The following ACADSB variants were observed in gnomAD, a reference collection of about 807,000 sequenced individuals.
The protein encoded by ACADSB is short/branched chain specific acyl-CoA dehydrogenase, mitochondrial.
Under a neutral mutation model 54.1 loss-of-function variants are expected in ACADSB, and 40 were observed. That is an observed-to-expected ratio of 0.74 (90% CI 0.57 to 0.96). The LOEUF (loss-of-function observed/expected upper bound fraction) is 0.96, where lower values mean the gene tolerates loss of function less well. Among genes scored for constraint, ACADSB ranks in the 40% least tolerant of loss-of-function variants. The pLI is 0.00. For synonymous variants in ACADSB, 182 were observed against 182.8 expected, an observed-to-expected ratio of 1.00 and a Z score of 0.03; for missense variants, 530 against 510.4, an observed-to-expected ratio of 1.04 and a Z score of -0.37.
At chr10:123,013,248 C>A (rs1365377533) in intron 1 of ACADSB, among the ~76,000 whole-genome samples, 1 of 152,002 alleles carries the variant, frequency 6.6e-6, no homozygotes, top group East Asian at 1.9e-4. Context: ...TTCTTCAAGT[C>A]ACCACCAGAT....
chr10:123,014,325 AAATT>A (rs149527719), intron 1 of ACADSB, among the ~76,000 whole-genome samples: 20,915 of 152,138 alleles, frequency 0.14, 1,533 homozygotes, highest in Middle Eastern at 0.21. Context: ...GCTATTTTTA[AAATT>A]AATTAATTAA....
chr10:123,009,475 C>G (rs139564676), intron 1 of ACADSB, among the ~76,000 whole-genome samples: 2 of 152,266 alleles, frequency 1.3e-5, no homozygotes, highest in Non-Finnish European at 2.9e-5. Flanking sequence ...ATTTCACACC[C>G]CCTCCCCCAA....
intron 1 of ACADSB, among the ~76,000 whole-genome samples, chr10:123,023,129 A>ACT (rs1184945679): frequency 6.6e-6 from 1 of 152,186 alleles, no homozygotes; most frequent in African/African-American, 2.4e-5. Context: ...ACATTAAATT[A>ACT]CTCTCATTTG....
intron 6 of ACADSB, among the ~76,000 whole-genome samples, chr10:123,043,939 C>T: frequency 6.6e-6 from 1 of 152,070 alleles, no homozygotes; most frequent in East Asian, 1.9e-4. Flanking sequence ...CACCTGTGTA[C>T]ACACATGCAC....
Position 123,053,890 on chromosome 10 carries a change from C to G in ACADSB, c.*125C>G, listed in dbSNP as rs1850668758. On this transcript the variant is annotated 3_prime_UTR_variant, in exon 11 of 11. Transcript: ENST00000358776. ...ACAGCATTCGAATATTTTAATGAAG[C>G]CCTTAGTCAGGGTCCTGGTGTTGGC... 1 of 925,566 alleles carries G rather than the reference C, an allele frequency of 1.1e-6. No individual in the cohort carries two copies. The highest frequency in any genetic ancestry group is 1.7e-6 in the Non-Finnish European group (1 of 577,516). The allele number at this position is 925,566 out of a possible 1,614,324, so 57.3% of individuals were successfully genotyped here.
intron 1 of ACADSB, among the ~76,000 whole-genome samples, chr10:123,009,378 A>G (rs1292388172): frequency 6.6e-6 from 1 of 152,118 alleles, no homozygotes. Context: ...CCTGAGAGCC[A>G]CCGAGTCTGG....
At chr10:123,017,624 G>T (rs1419043433) in intron 1 of ACADSB, among the ~76,000 whole-genome samples, 2 of 152,198 alleles carry the variant, frequency 1.3e-5, no homozygotes, top group Non-Finnish European at 2.9e-5. Flanking sequence ...GGTGGACACA[G>T]TTTCTAATGG....
intron 1 of ACADSB, among the ~76,000 whole-genome samples, chr10:123,011,563 G>A (rs1420473753): frequency 3.6e-5 from 5 of 137,932 alleles, no homozygotes; most frequent in African/African-American, 1.4e-4. Context: ...GTCTTACTCT[G>A]TCGCCCAGGT....
At chr10:123,048,312 G>A (rs574567961) in intron 8 of ACADSB, among the ~76,000 whole-genome samples, 1 of 152,186 alleles carries the variant, frequency 6.6e-6, no homozygotes, top group African/African-American at 2.4e-5. Flanking sequence ...AGAGTGGCAG[G>A]CCTGGCCAGT....
At chr10:123,047,815 A>G (rs564564146) in intron 8 of ACADSB, among the ~76,000 whole-genome samples, 1 of 152,376 alleles carries the variant, frequency 6.6e-6, no homozygotes, top group South Asian at 2.1e-4. Flanking sequence ...GACCAGAACC[A>G]TGTGGTAATC....
intron 1 of ACADSB, among the ~76,000 whole-genome samples, chr10:123,013,535 G>A (rs1347576827): frequency 6.6e-6 from 1 of 152,266 alleles, no homozygotes; most frequent in Non-Finnish European, 1.5e-5. Context: ...TGATGGGACT[G>A]GGTGCAGTGG....
intron 3 of ACADSB, among the ~76,000 whole-genome samples, chr10:123,039,577 G>A (rs911228223): frequency 2.6e-5 from 4 of 152,162 alleles, no homozygotes; most frequent in African/African-American, 9.7e-5. Flanking sequence ...CATGTTCTCT[G>A]CTAACCATCC....
chr10:123,018,247 G>T (rs572587162), intron 1 of ACADSB, among the ~76,000 whole-genome samples: 25 of 152,150 alleles, frequency 1.6e-4, no homozygotes, highest in Middle Eastern at 3.4e-3. Flanking sequence ...GTGAGTGTCT[G>T]GTTTCATTTT....
chr10:123,035,909 T>C (rs1850392483), intron 2 of ACADSB, among the ~76,000 whole-genome samples: 1 of 152,158 alleles, frequency 6.6e-6, no homozygotes, highest in South Asian at 2.1e-4. Context: ...GCTCACCTGA[T>C]TAGGTCAGGC....
At chr10:123,041,962 TTTTC>T (rs1478695830) in intron 5 of ACADSB, among the ~76,000 whole-genome samples, 1 of 120,678 alleles carries the variant, frequency 8.3e-6, no homozygotes, top group African/African-American at 3.1e-5. Context: ...ATCTTTTTTC[TTTTC>T]TTTTTTTTTT....
intron 1 of ACADSB, among the ~76,000 whole-genome samples, chr10:123,023,223 A>T (rs1420550074): frequency 2.0e-5 from 3 of 152,222 alleles, no homozygotes; most frequent in Non-Finnish European, 4.4e-5. Context: ...TCTATGCCAA[A>T]CCCTGACACC....
chr10:123,022,668 G>C (rs2133462158), intron 1 of ACADSB, among the ~76,000 whole-genome samples: 1 of 152,168 alleles, frequency 6.6e-6, no homozygotes, highest in South Asian at 2.1e-4. Flanking sequence ...TCTGTATTCA[G>C]AATTATGTGT....
In ACADSB at chr10:123,033,674, G is replaced by T. The variant is rs1234697399; in HGVS notation, c.43-682G>T. Among the ~76,000 whole-genome samples the T allele has an allele frequency of 2.0e-5, 3 of 152,198 alleles. No homozygotes were observed. In the East Asian group the frequency reaches 5.8e-4, roughly 29 times the overall value. ...ATCCTCACAAAACTCCAAGAGGTTG[G>T]TACCTGCATTTTACAGGTAAGGAAA... On this transcript the variant is annotated intron_variant, in intron 1 of 10. Coordinates refer to ENST00000358776, the MANE Select transcript of ACADSB (RefSeq NM_001609.4).
chr10:123,009,694 G>C (rs1589728548), intron 1 of ACADSB, among the ~76,000 whole-genome samples: 1 of 137,962 alleles, frequency 7.2e-6, no homozygotes, highest in East Asian at 2.0e-4. Context: ...AGCCGGAGCC[G>C]GTGCCGGTCC....
Sources: gnomAD v4.1 joint callset for allele counts (sites outside exome capture counted in the v4.1 genomes callset) on GRCh38, gnomAD v4.1.1 for gene constraint, MANE v1.5 for transcripts, NCBI Gene and HGNC (gene_info 2026-07-23, HGNC 2026-07-21) for gene names.